SHROOM2: variants seen among roughly 807,000 people sequenced by gnomAD.
SHROOM2 encodes shroom family member 2, also known as protein Shroom2.
SHROOM2 carries 33 observed loss-of-function variants against 75.9 expected under a neutral mutation model. The observed-to-expected ratio is 0.43, with a 90% CI of 0.33 to 0.58. The LOEUF (loss-of-function observed/expected upper bound fraction) is 0.58. Ranked by LOEUF, SHROOM2 falls within the 20% of genes least tolerant of loss-of-function variation. The probability of loss-of-function intolerance (pLI) is 0.04; values close to 1 mark genes in which losing one functional copy is unlikely to be tolerated. For synonymous variants in SHROOM2, 655 were observed against 663.6 expected (o/e 0.99, Z 0.20); for missense variants, 1,434 against 1,461.2 (o/e 0.98, Z 0.30).
chrX:9,794,945 T>A (rs963220973), intron 1 of SHROOM2, among the ~76,000 whole-genome samples: 4 of 111,920 alleles, frequency 3.6e-5, no homozygotes, highest in African/African-American at 1.3e-4. Context: ...GACAGTAAAT[T>A]GTTTGGGCGT....
At chrX:9,910,699 C>G (rs1291946705) in intron 5 of SHROOM2, among the ~76,000 whole-genome samples, 1 of 110,216 alleles carries the variant, frequency 9.1e-6, no homozygotes, top group Non-Finnish European at 1.9e-5. Flanking sequence ...CACCTGTAAT[C>G]TCAGCTACTC....
intron 1 of SHROOM2, among the ~76,000 whole-genome samples, chrX:9,802,921 A>ATTTCTTTT (rs1205776375): frequency 5.8e-5 from 5 of 86,164 alleles, no homozygotes; most frequent in African/African-American, 3.8e-4. Context: ...ACAGCTGCAG[A>ATTTCTTTT]TTTCTTTTTT....
At chrX:9,856,763 C>T (rs56777423) in intron 1 of SHROOM2, among the ~76,000 whole-genome samples, 3,564 of 111,802 alleles carry the variant, frequency 0.032, 150 homozygotes, top group African/African-American at 0.11. Flanking sequence ...GCTGCATCCC[C>T]ACGCATCCTG....
At chrX:9,806,380 C>G (rs972402982) in intron 1 of SHROOM2, among the ~76,000 whole-genome samples, 1 of 108,649 alleles carries the variant, frequency 9.2e-6, no homozygotes, top group African/African-American at 3.3e-5. Flanking sequence ...TAATGATTTA[C>G]TATATAATAT....
Position 9,946,912 on chromosome X carries a change from G to T in SHROOM2, c.4826G>T (p.Ser1609Ile). Residue 1609 changes from serine (S) to isoleucine (I), a missense_variant, in exon 10 of 10, where the codon AGC becomes ATC. By Grantham distance (142) the Ser-to-Ile change is moderately radical. Transcript: ENST00000380913. Reference sequence around the variant, plus strand: ...GAGCAGCTGAAGTGCTTATTGGACAGCCTTCAGCCCGAAAGGGGCAAATAA... The same window carrying T: ...GAGCAGCTGAAGTGCTTATTGGACATCCTTCAGCCCGAAAGGGGCAAATAA... ...GEEQLKCLLD[S>I]LQPERGK is the part of the protein sequence containing the mutation. 1 of 1,197,355 alleles carries T rather than the reference G, an allele frequency of 8.4e-7. No individual in the cohort carries two copies. Among genetic ancestry groups the T allele is most frequent in the Non-Finnish European group, 1.1e-6 (1 of 887,944 alleles).
chrX:9,792,129 T>A (rs771668675), intron 1 of SHROOM2, among the ~76,000 whole-genome samples: 1 of 23,171 alleles, frequency 4.3e-5, no homozygotes, highest in African/African-American at 1.1e-4. Flanking sequence ...TAGAATAGAA[T>A]AGAATAGAAT....
In SHROOM2 at chrX:9,897,680, C is replaced by CAAAAAAAAAAAAAAAAA. The variant is rs56026461; in HGVS notation, c.2791-506_2791-490dup. Among the ~76,000 whole-genome samples the CAAAAAAAAAAAAAAAAA allele has an allele frequency of 2.9e-3, 202 of 70,536 alleles. 6 individuals carry two copies. Among genetic ancestry groups the CAAAAAAAAAAAAAAAAA allele is most frequent in the African/African-American group, 0.012 (193 of 16,601 alleles). The allele number at this position is 70,536 out of a possible 115,157, so 61.3% of individuals were successfully genotyped here. On this transcript the variant is annotated intron_variant, in intron 4 of 9. Transcript: ENST00000380913. ...TGGGCAAAAGAGCAAGACCCTGTCT[C>CAAAAAAAAAAAAAAAAA]AAAAAAAAAAAAAAAAAAAAGAACC...
At chrX:9,933,461 G>C (rs2084671179) in intron 6 of SHROOM2, among the ~76,000 whole-genome samples, 1 of 111,888 alleles carries the variant, frequency 8.9e-6, no homozygotes, top group Middle Eastern at 4.6e-3. Context: ...TGAATGTTAG[G>C]CAGGAACTTG....
chrX:9,845,591 G>A (rs1175115440), intron 1 of SHROOM2, among the ~76,000 whole-genome samples: 3 of 108,254 alleles, frequency 2.8e-5, no homozygotes, highest in East Asian at 5.8e-4. Context: ...GGCAGGATGA[G>A]GGGAGTGGTA....
chrX:9,864,831 T>A (rs3932761), intron 1 of SHROOM2, among the ~76,000 whole-genome samples: 40,165 of 102,335 alleles, frequency 0.39, 7,837 homozygotes, highest in East Asian at 0.81. Context: ...TCTCAAAAAA[T>A]AAATAAATAA....
chrX:9,821,799 C>G (rs1390340014), intron 1 of SHROOM2, among the ~76,000 whole-genome samples: 1 of 111,580 alleles, frequency 9.0e-6, no homozygotes, highest in African/African-American at 3.3e-5. Context: ...GGAGGGTCTG[C>G]CAGCAGGCGT....
intron 6 of SHROOM2, among the ~76,000 whole-genome samples, chrX:9,935,696 C>T (rs1458069872): frequency 9.0e-6 from 1 of 111,473 alleles, no homozygotes; most frequent in African/African-American, 3.3e-5. Context: ...AGCCCTCCTG[C>T]ATTCCCAGTC....
At chrX:9,924,607 T>G (rs1311370389) in intron 5 of SHROOM2, among the ~76,000 whole-genome samples, 2 of 110,827 alleles carry the variant, frequency 1.8e-5, no homozygotes, top group Non-Finnish European at 3.8e-5. Flanking sequence ...CCTCCTGCCT[T>G]GGCCTCCCTA....
At chrX:9,922,094 C>T (rs1294987189) in intron 5 of SHROOM2, among the ~76,000 whole-genome samples, 5 of 111,986 alleles carry the variant, frequency 4.5e-5, no homozygotes, top group African/African-American at 1.6e-4. Flanking sequence ...CTGTCTGTTG[C>T]CCAGGCTGGC....
rs753183889 is a variant in SHROOM2 at position 9,947,124 on chromosome X, C to T, written c.*187C>T. 1.5e-4 allele frequency: 73 copies of T among 476,608 alleles called. No homozygotes were observed. The highest frequency in any genetic ancestry group is 4.2e-4 in the Admixed American group (10 of 23,681). 39.3% of individuals were successfully genotyped at this position (476,608 alleles called of 1,213,427 possible). ...TGATTTATTTAATTTTTTAGTTTCC[C>T]CTTTGATTGCTGAGAGCCATTTTCC... On this transcript the variant is annotated 3_prime_UTR_variant, in exon 10 of 10. Transcript: ENST00000380913.
intron 1 of SHROOM2, among the ~76,000 whole-genome samples, chrX:9,813,995 A>G (rs1364450282): frequency 8.9e-6 from 1 of 112,150 alleles, no homozygotes; most frequent in Non-Finnish European, 1.9e-5. Flanking sequence ...CATACAGGGA[A>G]GAACAATTAC....
intron 1 of SHROOM2, among the ~76,000 whole-genome samples, chrX:9,867,366 G>A (rs377322980): frequency 9.0e-6 from 1 of 111,437 alleles, no homozygotes; most frequent in African/African-American, 3.3e-5. Flanking sequence ...GTCATGGGTC[G>A]GGGATGATTG....
chrX:9,908,604 CTTTAATATTATAAAT>C (rs2084403917), intron 5 of SHROOM2, among the ~76,000 whole-genome samples: 2 of 111,426 alleles, frequency 1.8e-5, no homozygotes, highest in African/African-American at 6.5e-5. Flanking sequence ...ACATTATAAA[CTTTAATATTATAAAT>C]GTGCTTTCTG....
chrX:9,930,527 AAGAAAG>A (rs892225856), intron 5 of SHROOM2, among the ~76,000 whole-genome samples: 2 of 103,394 alleles, frequency 1.9e-5, no homozygotes, highest in African/African-American at 7.7e-5. Flanking sequence ...AAAGAAAAGA[AAGAAAG>A]AAAGAAAGAA....
Sources: gnomAD v4.1 joint callset for allele counts (sites outside exome capture counted in the v4.1 genomes callset) on GRCh38, gnomAD v4.1.1 for gene constraint, MANE v1.5 for transcripts, NCBI Gene and HGNC (gene_info 2026-07-23, HGNC 2026-07-21) for gene names.